The following TNKS variants were observed in gnomAD, a reference collection of about 807,000 sequenced individuals.
TNKS encodes poly [ADP-ribose] polymerase tankyrase-1.
TNKS carries 72 observed loss-of-function variants against 135.8 expected under a neutral mutation model. The observed-to-expected ratio is 0.53, with a 90% CI of 0.44 to 0.64. TNKS has a LOEUF of 0.64. Among genes scored for constraint, TNKS ranks in the 30% least tolerant of loss-of-function variants. The pLI is 0.00. For synonymous variants in TNKS, 849 were observed against 649.3 expected, an observed-to-expected ratio of 1.31 and a Z score of -4.68; for missense variants, 1,769 against 1,674.0, an observed-to-expected ratio of 1.06 and a Z score of -0.99.
chr8:9,628,948 G>T (rs1800175785), intron 3 of TNKS, among the ~76,000 whole-genome samples: 1 of 152,116 alleles, frequency 6.6e-6, no homozygotes. Context: ...AAACCTACAA[G>T]TCGGACTTTA....
intron 5 of TNKS, among the ~76,000 whole-genome samples, chr8:9,684,221 T>C (rs1802896186): frequency 6.6e-6 from 1 of 152,006 alleles, no homozygotes; most frequent in South Asian, 2.1e-4. Flanking sequence ...ATTTTCAAAC[T>C]TGGATTTTTT....
chr8:9,656,631 TA>T (rs1311592294), intron 3 of TNKS, among the ~76,000 whole-genome samples: 7 of 149,954 alleles, frequency 4.7e-5, no homozygotes, highest in South Asian at 2.1e-4. Flanking sequence ...TTTTTTAATT[TA>T]TTTTTTTATT....
Position 9,704,819 on chromosome 8 carries a change from A to G in TNKS, c.1202+62A>G, listed in dbSNP as rs1479381376. 15 of 1,308,530 alleles carry G rather than the reference A, an allele frequency of 1.1e-5. No homozygotes were observed. The Admixed American group carries it at 2.1e-4, about 19-fold the overall frequency. 81.1% of individuals were successfully genotyped at this position (1,308,530 alleles called of 1,614,324 possible). A position where few individuals can be genotyped will look rare whatever the true frequency, so the allele number is the denominator to read the frequency against. On this transcript the variant is annotated intron_variant, in intron 6 of 26. Transcript: ENST00000310430. The stretch of plus-strand genomic sequence containing the variant: ...TTTTTGTCTGATACTCTAAACTTTT[A>G]AAACACTAGACAAAGTCATATGTCC...
chr8:9,602,988 C>G (rs1047114666), intron 2 of TNKS, among the ~76,000 whole-genome samples: 10 of 152,076 alleles, frequency 6.6e-5, no homozygotes, highest in African/African-American at 2.4e-4. Context: ...TTTACATACA[C>G]AAGGTGTCCT....
intron 26 of TNKS, chr8:9,772,432 A>C: frequency 2.2e-6 from 1 of 455,028 alleles, no homozygotes; most frequent in Non-Finnish European, 4.4e-6. Context: ...ATGTAAGTCT[A>C]ATCAAAATGA....
chr8:9,693,865 A>G (rs1051310630), intron 5 of TNKS, among the ~76,000 whole-genome samples: 3 of 152,164 alleles, frequency 2.0e-5, no homozygotes, highest in Non-Finnish European at 4.4e-5. Flanking sequence ...AAACAAAGAA[A>G]CTGATTTACA....
intron 2 of TNKS, among the ~76,000 whole-genome samples, chr8:9,595,165 A>G (rs932568905): frequency 1.3e-5 from 2 of 151,186 alleles, no homozygotes; most frequent in African/African-American, 2.4e-5. Context: ...TGTGTTGTCC[A>G]GGCTGGAGTG....
chr8:9,623,285 T>G (rs1225531702), intron 3 of TNKS, among the ~76,000 whole-genome samples: 1 of 152,204 alleles, frequency 6.6e-6, no homozygotes, highest in Non-Finnish European at 1.5e-5. Context: ...GTGTTTGATC[T>G]ATTGATAGGT....
chr8:9,615,266 T>C (rs1210801322), intron 2 of TNKS: 1 of 200,136 alleles, frequency 5.0e-6, no homozygotes, highest in Non-Finnish European at 1.0e-5. Flanking sequence ...TTTCACAGTG[T>C]GAGCCAGCGA....
chr8:9,605,329 C>T (rs193229082), intron 2 of TNKS, among the ~76,000 whole-genome samples: 150 of 152,070 alleles, frequency 9.9e-4, no homozygotes, highest in African/African-American at 3.4e-3. Context: ...TTGTATGAAA[C>T]GAAAGTTTGT....
At chr8:9,573,783 T>C (rs1044924967) in intron 1 of TNKS, among the ~76,000 whole-genome samples, 1 of 152,180 alleles carries the variant, frequency 6.6e-6, no homozygotes, top group Non-Finnish European at 1.5e-5. Flanking sequence ...ACAGTCTAAT[T>C]AGGGGGAAAA....
At chr8:9,573,447 G>A (rs927715048) in intron 1 of TNKS, among the ~76,000 whole-genome samples, 4 of 152,222 alleles carry the variant, frequency 2.6e-5, no homozygotes, top group Non-Finnish European at 5.9e-5. Flanking sequence ...GAGTCTTTGT[G>A]ATTGGTACAA....
chr8:9,663,730 G>A (rs780067222), intron 3 of TNKS, among the ~76,000 whole-genome samples: 1 of 152,156 alleles, frequency 6.6e-6, no homozygotes, highest in Non-Finnish European at 1.5e-5. Context: ...AGGAAGATAT[G>A]TTTACCAGTT....
intron 2 of TNKS, among the ~76,000 whole-genome samples, chr8:9,610,485 A>T (rs1044228196): frequency 1.3e-5 from 2 of 152,048 alleles, no homozygotes; most frequent in Non-Finnish European, 2.9e-5. Context: ...AGTTTATAAA[A>T]ATAGTTTGTC....
intron 17 of TNKS, among the ~76,000 whole-genome samples, chr8:9,739,148 C>T (rs1371427883): frequency 7.8e-6 from 1 of 128,732 alleles, no homozygotes; most frequent in Non-Finnish European, 1.6e-5. Flanking sequence ...TTTTCGCAAC[C>T]TACTCATCTG....
chr8:9,682,619 C>G (rs1266970700), intron 5 of TNKS, among the ~76,000 whole-genome samples: 1 of 152,046 alleles, frequency 6.6e-6, no homozygotes, highest in African/African-American at 2.4e-5. Context: ...CCTCTACTAG[C>G]TCTTCTTGTA....
chr8:9,669,401 C>G (rs35599091), intron 3 of TNKS, among the ~76,000 whole-genome samples: 21,137 of 136,874 alleles, frequency 0.15, 1,712 homozygotes, highest in Admixed American at 0.26. Flanking sequence ...GTCCGGCCTG[C>G]GCGACAGAGC....
chr8:9,586,868 T>G, intron 2 of TNKS, among the ~76,000 whole-genome samples: 1 of 151,696 alleles, frequency 6.6e-6, no homozygotes, highest in Middle Eastern at 3.2e-3. Flanking sequence ...CCTCTTAGAG[T>G]AATTGAGGGT....
chr8:9,650,984 G>A (rs975315815), intron 3 of TNKS, among the ~76,000 whole-genome samples: 3 of 152,118 alleles, frequency 2.0e-5, no homozygotes, highest in Admixed American at 6.5e-5. Flanking sequence ...ATCTGGAATT[G>A]AATTTTATAT....
Sources: gnomAD v4.1 joint callset for allele counts (sites outside exome capture counted in the v4.1 genomes callset) on GRCh38, gnomAD v4.1.1 for gene constraint, MANE v1.5 for transcripts, NCBI Gene and HGNC (gene_info 2026-07-23, HGNC 2026-07-21) for gene names.